KCNB2: variants seen among roughly 807,000 people sequenced by gnomAD.
KCNB2 encodes delayed rectifier potassium channel protein.
KCNB2 carries 15 observed loss-of-function variants against 61.5 expected under a neutral mutation model. The ratio of observed to expected loss-of-function variants is 0.24; its 90% CI spans 0.16 to 0.38. KCNB2 has a LOEUF of 0.38. Ranked by LOEUF, KCNB2 falls within the 10% of genes least tolerant of loss-of-function variation. The pLI is 1.00. For missense variants in KCNB2, 828 were observed against 1,125.2 expected, an observed-to-expected ratio of 0.74 and a Z score of 3.78; for synonymous variants, 457 against 446.0, an observed-to-expected ratio of 1.02 and a Z score of -0.31.
At chr8:72,592,583 G>A (rs1807118388) in intron 2 of KCNB2, among the ~76,000 whole-genome samples, 1 of 151,962 alleles carries the variant, frequency 6.6e-6, no homozygotes, top group Non-Finnish European at 1.5e-5. Flanking sequence ...ATATACATTG[G>A]CTAGTGAAAT....
intron 2 of KCNB2, among the ~76,000 whole-genome samples, chr8:72,929,540 T>C (rs1304063129): frequency 6.6e-6 from 1 of 152,246 alleles, no homozygotes; most frequent in Non-Finnish European, 1.5e-5. Flanking sequence ...AATGTTTTAC[T>C]CATTATGTAA....
rs150486490 is a variant in KCNB2, at chr8:72,648,189, T to A, written c.579+79876T>A. 5.6e-4 allele frequency among the ~76,000 whole-genome samples: 85 copies of A among 152,284 alleles called. 1 individual carries two copies. The highest frequency in any genetic ancestry group is 1.9e-3 in the African/African-American group (81 of 41,550). On this transcript the variant is annotated intron_variant, in intron 2 of 2. Coordinates refer to ENST00000523207, the MANE Select transcript of KCNB2 (RefSeq NM_004770.3). ...TACTCGGTACCCTTGATGTTATGTC[T>A]TTATAGGAGAGAATATAGTGACAGA...
rs780561281 is a variant in KCNB2 at position 72,701,212 on chromosome 8, CT to C, written c.579+132900del. ...TGAAATATACCTGCACAAGTACCCC[CT>C]GAGTCTAAAATAAAAGTTAAAATTA... On this transcript the variant is annotated intron_variant, in intron 2 of 2. Coordinates refer to ENST00000523207, the MANE Select transcript of KCNB2 (RefSeq NM_004770.3). Among the ~76,000 whole-genome samples the C allele has an allele frequency of 5.3e-5, 8 of 152,002 alleles. No homozygotes were observed. In the South Asian group the frequency reaches 6.2e-4, roughly 12 times the overall value.
chr8:72,565,709 AC>A (rs753996230), intron 1 of KCNB2, among the ~76,000 whole-genome samples: 45 of 152,104 alleles, frequency 3.0e-4, no homozygotes, highest in Non-Finnish European at 8.8e-5. Context: ...TATATTATAT[AC>A]ACATAACATA....
At chr8:72,770,908 A>G (rs1454876456) in intron 2 of KCNB2, among the ~76,000 whole-genome samples, 4 of 152,266 alleles carry the variant, frequency 2.6e-5, no homozygotes, top group Non-Finnish European at 5.9e-5. Flanking sequence ...ACCTTAAGCA[A>G]CATACATTAA....
rs1039494987 is a variant in KCNB2, at chr8:72,537,513, C to G, written c.-466C>G. On this transcript the variant is annotated 5_prime_UTR_variant, in exon 1 of 3. Transcript: ENST00000523207. ...TCGATTTTTCCTCTTCTGTTCCAGC[C>G]CTCTCTTGTCTGGGTGGCTGTGGCG... 4 of 152,560 alleles carry G rather than the reference C, an allele frequency of 2.6e-5. No homozygotes were observed. Among genetic ancestry groups the G allele is most frequent in the Non-Finnish European group, 4.4e-5 (3 of 68,360 alleles). The allele number at this position is 152,560 out of a possible 1,614,324, so 9.5% of individuals were successfully genotyped here. A position where few individuals can be genotyped will look rare whatever the true frequency, so the allele number is the denominator to read the frequency against.
intron 2 of KCNB2, among the ~76,000 whole-genome samples, chr8:72,920,868 G>T (rs1027213340): frequency 6.6e-6 from 1 of 151,932 alleles, no homozygotes; most frequent in Admixed American, 6.6e-5. Context: ...GTCAATAAAA[G>T]ATCAAAAATA....
At chr8:72,811,297 C>T (rs996043369) in intron 2 of KCNB2, among the ~76,000 whole-genome samples, 1 of 151,146 alleles carries the variant, frequency 6.6e-6, no homozygotes, top group Non-Finnish European at 1.5e-5. Context: ...ATCTCTGGTT[C>T]ATTTGAAGTT....
rs893904166 is a variant in KCNB2 at position 72,839,399 on chromosome 8, G to A, written c.580-96536G>A. ...AATTGTATGCCTTGCCATGTAATGT[G>A]TTAGGCATAGCAATAGAAAGATGAA... On this transcript the variant is annotated intron_variant, in intron 2 of 2. Transcript: ENST00000523207. 4.0e-4 allele frequency among the ~76,000 whole-genome samples: 61 copies of A among 152,238 alleles called. 1 individual carries two copies. The highest frequency in any genetic ancestry group is 1.4e-3 in the African/African-American group (58 of 41,542).
At chr8:72,897,133 C>T (rs764974430) in intron 2 of KCNB2, among the ~76,000 whole-genome samples, 11 of 151,920 alleles carry the variant, frequency 7.2e-5, no homozygotes, top group Admixed American at 2.0e-4. Flanking sequence ...TGTGCATGCC[C>T]CTATAGTGTG....
chr8:72,729,040 C>T (rs1807698395), intron 2 of KCNB2, among the ~76,000 whole-genome samples: 1 of 152,170 alleles, frequency 6.6e-6, no homozygotes, highest in African/African-American at 2.4e-5. Context: ...AACCTGTGTC[C>T]TGGCAATTAA....
chr8:72,603,035 G>A (rs556872572), intron 2 of KCNB2, among the ~76,000 whole-genome samples: 1 of 151,992 alleles, frequency 6.6e-6, no homozygotes, highest in Admixed American at 6.6e-5. Context: ...TACAGCCAGT[G>A]AAATTATCAT....
chr8:72,619,138 C>T, intron 2 of KCNB2: 1 of 289,442 alleles, frequency 3.5e-6, no homozygotes, highest in South Asian at 3.5e-5. Flanking sequence ...TCAAGATTTT[C>T]CCATTCAATC....
chr8:72,652,348 A>G (rs138533755), intron 2 of KCNB2, among the ~76,000 whole-genome samples: 219 of 152,184 alleles, frequency 1.4e-3, no homozygotes, highest in African/African-American at 5.2e-3. Context: ...GGCAGCCCTG[A>G]GTGAGGCCAC....
In KCNB2 at chr8:72,827,154, T is replaced by C. The variant is rs577762937; in HGVS notation, c.580-108781T>C. Among the ~76,000 whole-genome samples the C allele has an allele frequency of 1.3e-4, 20 of 152,290 alleles. No homozygotes were observed. The East Asian group carries it at 1.4e-3, about 10-fold the overall frequency. On this transcript the variant is annotated intron_variant, in intron 2 of 2. Transcript: ENST00000523207. ...CAGGGAGAGATTGACCTTCATATGA[T>C]GGCTGAGGGCTGGGGAAGCTGGCTA...
Position 72,816,585 on chromosome 8 carries a change from A to G in KCNB2, c.580-119350A>G, listed in dbSNP as rs532384023. On this transcript the variant is annotated intron_variant, in intron 2 of 2. Coordinates refer to ENST00000523207, the MANE Select transcript of KCNB2 (RefSeq NM_004770.3). The stretch of plus-strand genomic sequence containing the variant: ...GTCTCTGAAACAGTTTAATCAGACT[A>G]TGTAGATGTGCTGAACATTTTGATA... Among the ~76,000 whole-genome samples, 5 of 152,304 alleles carry G rather than the reference A, an allele frequency of 3.3e-5. 1 individual carries two copies. In the East Asian group the frequency reaches 7.7e-4, roughly 24 times the overall value.
chr8:72,717,646 T>G (rs1329499497), intron 2 of KCNB2, among the ~76,000 whole-genome samples: 1 of 152,014 alleles, frequency 6.6e-6, no homozygotes, highest in Admixed American at 6.6e-5. Flanking sequence ...TCCTTACACC[T>G]TATACAAAAA....
At chr8:72,730,390 G>A (rs2243801) in intron 2 of KCNB2, among the ~76,000 whole-genome samples, 2,801 of 152,260 alleles carry the variant, frequency 0.018, 51 homozygotes, top group Non-Finnish European at 0.029. Flanking sequence ...CAAATTAAAT[G>A]TCAATTGAAT....
At chr8:72,580,631 A>T (rs1806876575) in intron 2 of KCNB2, among the ~76,000 whole-genome samples, 1 of 152,154 alleles carries the variant, frequency 6.6e-6, no homozygotes, top group Non-Finnish European at 1.5e-5. Context: ...TGGGATCTTG[A>T]ATCCTATTTA....
Sources: allele counts gnomAD v4.1 joint callset (sites outside exome capture counted in the v4.1 genomes callset), GRCh38; gene constraint gnomAD v4.1.1; transcripts MANE v1.5; gene names NCBI Gene and HGNC (gene_info 2026-07-23, HGNC 2026-07-21).